Variants in USP13 observed in about 807,000 individuals in gnomAD.
USP13 encodes the protein ubiquitin carboxyl-terminal hydrolase 13.
A neutral mutation model predicts 107.8 loss-of-function variants in USP13; 68 were observed. That is an observed-to-expected ratio of 0.63 (90% confidence interval 0.52 to 0.77). USP13 has a LOEUF of 0.77. USP13 is among the 30% of genes least tolerant of loss of function. USP13 has a pLI of 0.00. For missense variants in USP13, 945 were observed against 1,093.3 expected (o/e 0.86, Z 1.91); for synonymous variants, 377 against 389.5 (o/e 0.97, Z 0.38).
At chr3:179,738,501 C>T (rs1714070044) in intron 10 of USP13, among the ~76,000 whole-genome samples, 1 of 152,226 alleles carries the variant, frequency 6.6e-6, no homozygotes, top group East Asian at 1.9e-4. Context: ...CTGCCAGTCT[C>T]AGCTTCCCGA....
In USP13 at chr3:179,757,094, A is replaced by G; in HGVS notation, c.1948+16A>G. 2 of 1,611,582 alleles carry G rather than the reference A, an allele frequency of 1.2e-6. No homozygotes were observed. Among genetic ancestry groups the G allele is most frequent in the Non-Finnish European group, 1.7e-6 (2 of 1,177,882 alleles). On this transcript the variant is annotated intron_variant, in intron 16 of 20. Transcript: ENST00000263966. ...TTGATAGACCGTATGTATCTTTAAA[A>G]ATGTTTCTCAATGTCCTACTGTTGT...
intron 7 of USP13, 41 bp downstream of exon 7, chr3:179,720,075 T>G (rs1713256833): frequency 1.3e-6 from 2 of 1,530,102 alleles, no homozygotes; most frequent in African/African-American, 2.7e-5. Context: ...TTGCATGGGG[T>G]AGGGGTGGGG....
intron 3 of USP13, among the ~76,000 whole-genome samples, chr3:179,697,059 A>G (rs950543482): frequency 6.6e-5 from 10 of 152,228 alleles, no homozygotes; most frequent in African/African-American, 2.2e-4. Flanking sequence ...AAAGGAGTTC[A>G]GTTCTCTGTG....
intron 2 of USP13, among the ~76,000 whole-genome samples, chr3:179,687,099 G>T (rs1275606485): frequency 6.6e-6 from 1 of 152,206 alleles, no homozygotes; most frequent in African/African-American, 2.4e-5. Flanking sequence ...CTCTGGAGGT[G>T]AAGATCTGAT....
At chr3:179,727,156 T>G (rs1713550678) in intron 8 of USP13, among the ~76,000 whole-genome samples, 1 of 141,436 alleles carries the variant, frequency 7.1e-6, no homozygotes, top group Non-Finnish European at 1.5e-5. Context: ...TTGGAACAAT[T>G]TTTAATGTTT....
intron 9 of USP13, 38 bp from the exon 10 acceptor site, chr3:179,730,578 C>T: frequency 3.9e-6 from 6 of 1,536,762 alleles, no homozygotes; most frequent in Non-Finnish European, 5.4e-6. Flanking sequence ...GGAAAAACAA[C>T]AATGACCTTT....
chr3:179,742,959 C>T lies in USP13; in HGVS notation c.1534+609C>T, dbSNP rs1714254088. Reference sequence around the variant, plus strand: ...GCTGGTTCTTCCTAGGCAGAATAGACAAATGGCATTTCTTCGAATTAACAT... The same window carrying T: ...GCTGGTTCTTCCTAGGCAGAATAGATAAATGGCATTTCTTCGAATTAACAT... On this transcript the variant is annotated intron_variant, in intron 12 of 20. Transcript: ENST00000263966. The surrounding 1 kb of genome is among the most constrained non-coding windows in gnomAD (Gnocchi z 5.0). Among the ~76,000 whole-genome samples the T allele has an allele frequency of 1.3e-5, 2 of 152,152 alleles. No individual in the cohort carries two copies. Among genetic ancestry groups the T allele is most frequent in the Non-Finnish European group, 2.9e-5 (2 of 68,022 alleles).
Position 179,701,021 on chromosome 3 carries a change from T to G in USP13, c.369T>G (p.Asp123Glu). 1.2e-6 allele frequency: 2 copies of G among 1,613,606 alleles called. No homozygotes were observed. Among genetic ancestry groups the G allele is most frequent in the Non-Finnish European group, 1.7e-6 (2 of 1,179,934 alleles). The change falls in exon 4 of 21, where the codon GAT becomes GAG. Residue 123 changes from aspartate (D) to glutamate (E), a missense_variant. Transcript: ENST00000263966. ...NSKIFLDLDT[D>E]DDLNSDDYEY... ...TTTTCTCCTCAGATCTAGATACTGA[T>G]GACGATTTAAATAGCGACGATTATG...
chr3:179,735,850 C>T (rs1326680948), intron 10 of USP13, among the ~76,000 whole-genome samples: 2 of 152,124 alleles, frequency 1.3e-5, no homozygotes, highest in Non-Finnish European at 2.9e-5. Context: ...CTGGGCCACA[C>T]AGTAAGACCC....
At chr3:179,672,021 C>A (rs1019164375) in intron 1 of USP13, among the ~76,000 whole-genome samples, 18 of 152,172 alleles carry the variant, frequency 1.2e-4, no homozygotes, top group Admixed American at 3.9e-4. Flanking sequence ...GCTCATGCTC[C>A]CTTCCTGTCT....
chr3:179,682,008 G>A lies in USP13; in HGVS notation c.294+5G>A, dbSNP rs1202794481. ...CTGAAAAGACATGTGCGAGAGGTGAGAGCGGCACTTTCAGAGAACTGGCCT... is the reference window on the plus strand; with the variant it reads ...CTGAAAAGACATGTGCGAGAGGTGAAAGCGGCACTTTCAGAGAACTGGCCT... On this transcript the variant is annotated splice_donor_5th_base_variant and intron_variant, in intron 2 of 20. Coordinates refer to ENST00000263966, the MANE Select transcript of USP13 (RefSeq NM_003940.3). The A allele has an allele frequency of 1.2e-6, 2 of 1,610,422 alleles. No individual in the cohort carries two copies. The highest frequency in any genetic ancestry group is 3.3e-5 in the Admixed American group (2 of 59,732).
In USP13 at chr3:179,653,945, C is replaced by T. The variant is rs1469595978; in HGVS notation, c.168+552C>T. Among the ~76,000 whole-genome samples, 2 of 152,124 alleles carry T rather than the reference C, an allele frequency of 1.3e-5. No individual in the cohort carries two copies. Among genetic ancestry groups the T allele is most frequent in the South Asian group, 2.1e-4 (1 of 4,824 alleles). Reference sequence around the variant, plus strand: ...TGTCAGGGCCAGGCGCGGTGGCTCACGTCTGAAATCCTAGCACTTTTTAAG... The same window carrying T: ...TGTCAGGGCCAGGCGCGGTGGCTCATGTCTGAAATCCTAGCACTTTTTAAG... On this transcript the variant is annotated intron_variant, in intron 1 of 20. Transcript: ENST00000263966. The surrounding 1 kb of genome is among the most constrained non-coding windows in gnomAD (Gnocchi z 4.0).
intron 16 of USP13, among the ~76,000 whole-genome samples, chr3:179,760,029 T>C (rs183545995): frequency 5.3e-5 from 8 of 152,280 alleles, no homozygotes; most frequent in African/African-American, 1.4e-4. Context: ...TTCTCGGTTC[T>C]TTTCCTGATT....
intron 19 of USP13, among the ~76,000 whole-genome samples, chr3:179,772,779 C>T (rs1052833328): frequency 5.9e-5 from 9 of 152,204 alleles, no homozygotes; most frequent in Non-Finnish European, 1.0e-4. Flanking sequence ...GTTTGCCTTT[C>T]GGAGCATTCG....
At chr3:179,775,956 G>A (rs551721658) in intron 19 of USP13, among the ~76,000 whole-genome samples, 6 of 152,276 alleles carry the variant, frequency 3.9e-5, no homozygotes, top group African/African-American at 1.4e-4. Flanking sequence ...TGGGCTGAAG[G>A]GCTCCTCAAG....
rs113953091 is a variant in USP13 at position 179,672,854 on chromosome 3, A to G, written c.169-9024A>G. 5.1e-3 allele frequency among the ~76,000 whole-genome samples: 771 copies of G among 152,322 alleles called. 5 individuals are homozygous for G. The highest frequency in any genetic ancestry group is 0.018 in the African/African-American group (738 of 41,568). On this transcript the variant is annotated intron_variant, in intron 1 of 20. Transcript: ENST00000263966. ...TTGCATCTTGGTCAAATTTCTGGTT[A>G]GTGCATCATAAAAATGATCATTAGA... is the stretch of plus-strand genomic sequence containing the variant.
chr3:179,732,841 C>T (rs558422850), intron 10 of USP13, among the ~76,000 whole-genome samples: 5 of 152,276 alleles, frequency 3.3e-5, no homozygotes, highest in East Asian at 3.9e-4. Context: ...CCACTGGATT[C>T]GGTGGCTGTA....
chr3:179,769,415 G>A (rs1715277712), intron 19 of USP13, among the ~76,000 whole-genome samples: 1 of 152,100 alleles, frequency 6.6e-6, no homozygotes, highest in East Asian at 1.9e-4. Flanking sequence ...TTTAAATAAT[G>A]AGGTTTTTTT....
intron 1 of USP13, among the ~76,000 whole-genome samples, chr3:179,676,557 C>A (rs4855105): frequency 0.17 from 25,654 of 152,072 alleles, 2,436 homozygotes; most frequent in East Asian, 0.25. Flanking sequence ...TCCACATAGA[C>A]TTTTTATCAG....
Sources: allele counts gnomAD v4.1 joint callset (sites outside exome capture counted in the v4.1 genomes callset), GRCh38; gene constraint gnomAD v4.1.1; non-coding constraint Gnocchi (gnomAD v3.1); transcripts MANE v1.5; gene names NCBI Gene and HGNC (gene_info 2026-07-23, HGNC 2026-07-21).